Variants in CNTNAP2 observed in about 807,000 individuals in gnomAD.
CNTNAP2 encodes contactin associated protein 2.
Under a neutral mutation model 155.2 loss-of-function variants are expected in CNTNAP2, and 98 were observed. The observed-to-expected ratio is 0.63, with a 90% CI of 0.54 to 0.75. CNTNAP2 has a LOEUF of 0.75. Among genes scored for constraint, CNTNAP2 ranks in the 30% least tolerant of loss-of-function variants. CNTNAP2 has a pLI of 0.00. For missense variants in CNTNAP2, 1,727 were observed against 1,688.1 expected (o/e 1.02, Z -0.40); for synonymous variants, 651 against 631.2 (o/e 1.03, Z -0.47).
At chr7:146,767,684 G>C (rs1802221550) in intron 1 of CNTNAP2, among the ~76,000 whole-genome samples, 1 of 152,164 alleles carries the variant, frequency 6.6e-6, no homozygotes, top group African/African-American at 2.4e-5. Context: ...TTGAGTAGTA[G>C]TCAATGAGTT....
intron 22 of CNTNAP2, among the ~76,000 whole-genome samples, chr7:148,396,035 GCAC>G (rs1799460356): frequency 6.6e-6 from 1 of 152,074 alleles, no homozygotes; most frequent in African/African-American, 2.4e-5. Flanking sequence ...ACCTGGCATG[GCAC>G]TCAAAGGTGC....
intron 21 of CNTNAP2, among the ~76,000 whole-genome samples, chr7:148,333,028 T>G (rs1478630428): frequency 6.6e-6 from 1 of 152,120 alleles, no homozygotes; most frequent in Non-Finnish European, 1.5e-5. Flanking sequence ...TTTTCAGATT[T>G]CAGTGGACTC....
intron 11 of CNTNAP2, among the ~76,000 whole-genome samples, chr7:147,556,754 A>G (rs1190826979): frequency 3.3e-5 from 5 of 152,310 alleles, no homozygotes; most frequent in Admixed American, 2.6e-4. Flanking sequence ...CCCCATTTCA[A>G]ACTTCTAACC....
chr7:146,223,292 C>T (rs2693306), intron 1 of CNTNAP2, among the ~76,000 whole-genome samples: 103,947 of 152,086 alleles, frequency 0.68, 36,818 homozygotes, highest in East Asian at 0.94. Flanking sequence ...ATGCTAATAA[C>T]GTGATTAATA....
At chr7:146,539,839 A>G (rs1470639713) in intron 1 of CNTNAP2, among the ~76,000 whole-genome samples, 1 of 152,160 alleles carries the variant, frequency 6.6e-6, no homozygotes, top group Non-Finnish European at 1.5e-5. Context: ...ATGAAAGTCA[A>G]GAAATGTTTG....
intron 1 of CNTNAP2, among the ~76,000 whole-genome samples, chr7:146,195,927 C>T (rs1562985858): frequency 6.6e-6 from 1 of 152,166 alleles, no homozygotes; most frequent in Non-Finnish European, 1.5e-5. Context: ...TGACCACTTC[C>T]ATCATGATGG....
Position 148,356,238 on chromosome 7 carries a change from C to G in CNTNAP2, c.3476-27411C>G, listed in dbSNP as rs149206071. 1.3e-3 allele frequency among the ~76,000 whole-genome samples: 195 copies of G among 152,260 alleles called. 1 individual carries two copies. Among genetic ancestry groups the G allele is most frequent in the Middle Eastern group, 6.8e-3 (2 of 294 alleles). On this transcript the variant is annotated intron_variant, in intron 21 of 23. Transcript: ENST00000361727. ...GGTTTTAAAATATAAAAAAAAGACA[C>G]AGCATTGATTTCCTTCAATCTGCAC...
At chr7:147,120,855 A>T in intron 5 of CNTNAP2, 124 bp from the exon 6 acceptor site, 1 of 877,536 alleles carries the variant, frequency 1.1e-6, no homozygotes, top group Non-Finnish European at 1.9e-6. Flanking sequence ...ATCCCAGGTT[A>T]ACTCGAATGG....
At chr7:146,589,507 C>A (rs958409904) in intron 1 of CNTNAP2, among the ~76,000 whole-genome samples, 63 of 152,006 alleles carry the variant, frequency 4.1e-4, no homozygotes, top group African/African-American at 1.4e-3. Flanking sequence ...GAACAGAAAA[C>A]TAAACACTGC....
In CNTNAP2 at chr7:147,211,383, G is replaced by T. The variant is rs191449887; in HGVS notation, c.1348+78874G>T. Among the ~76,000 whole-genome samples, 462 of 151,956 alleles carry T rather than the reference G, an allele frequency of 3.0e-3. 2 individuals carry two copies. The highest frequency in any genetic ancestry group is 0.01 in the African/African-American group (429 of 41,478). ...ATTGAACTCTTTATCATTATGTAAT[G>T]CTCTTCTTTGCCATAGCTCAACATC... On this transcript the variant is annotated intron_variant, in intron 8 of 23. Coordinates refer to ENST00000361727, the MANE Select transcript of CNTNAP2 (RefSeq NM_014141.6).
rs763256005 is a variant in CNTNAP2 at position 146,510,193 on chromosome 7, A to G, written c.98-264078A>G. On this transcript the variant is annotated intron_variant, in intron 1 of 23. Transcript: ENST00000361727. The stretch of plus-strand genomic sequence containing the variant: ...CCTACAGAGTCAGCAGTGCAGTTAT[A>G]TTTCTCATAGACAACAGTAGTTCAA... 5.1e-4 allele frequency among the ~76,000 whole-genome samples: 78 copies of G among 152,146 alleles called. 2 individuals carry two copies. Among genetic ancestry groups the G allele is most frequent in the Admixed American group, 9.8e-4 (15 of 15,278 alleles).
intron 2 of CNTNAP2, among the ~76,000 whole-genome samples, chr7:146,810,902 T>C (rs1803054445): frequency 6.6e-6 from 1 of 152,188 alleles, no homozygotes; most frequent in Non-Finnish European, 1.5e-5. Context: ...TCATATGATT[T>C]TTAGCCTTCA....
intron 12 of CNTNAP2, among the ~76,000 whole-genome samples, chr7:147,600,468 C>T (rs1392384355): frequency 6.6e-6 from 1 of 152,130 alleles, no homozygotes; most frequent in East Asian, 1.9e-4. Context: ...TCCAATAAAA[C>T]TTTATGGACA....
chr7:147,979,295 G>GTCATTTGTTTAGTCAGGCTTAGTAAAAC (rs1801483510), intron 15 of CNTNAP2, among the ~76,000 whole-genome samples: 1 of 64,698 alleles, frequency 1.5e-5, no homozygotes, highest in Non-Finnish European at 3.3e-5. Flanking sequence ...TAGTAAAACT[G>GTCATTTGTTTAGTCAGGCTTAGTAAAAC]TGCAGAAGAA....
chr7:148,050,291 C>T (rs1802863982), intron 15 of CNTNAP2, among the ~76,000 whole-genome samples: 1 of 152,104 alleles, frequency 6.6e-6, no homozygotes, highest in South Asian at 2.1e-4. Flanking sequence ...CGCAGTAGGA[C>T]AAGGTGTGGA....
chr7:147,727,702 C>T (rs1394031193), intron 13 of CNTNAP2, among the ~76,000 whole-genome samples: 1 of 150,136 alleles, frequency 6.7e-6, no homozygotes, highest in East Asian at 2.0e-4. Context: ...CATCACTAAG[C>T]AGCATCATAG....
chr7:148,225,265 C>T (rs181643795), intron 19 of CNTNAP2, among the ~76,000 whole-genome samples: 1 of 152,010 alleles, frequency 6.6e-6, no homozygotes, highest in African/African-American at 2.4e-5. Flanking sequence ...AAAGGGAGGG[C>T]CTGGCCAAGG....
intron 11 of CNTNAP2, among the ~76,000 whole-genome samples, chr7:147,513,712 C>T (rs1799060928): frequency 6.6e-6 from 1 of 152,260 alleles, no homozygotes; most frequent in African/African-American, 2.4e-5. Context: ...GCCTGCCTTC[C>T]TCACTTTAGA....
intron 1 of CNTNAP2, among the ~76,000 whole-genome samples, chr7:146,756,914 A>G (rs1418952801): frequency 6.6e-6 from 1 of 152,088 alleles, no homozygotes; most frequent in Non-Finnish European, 1.5e-5. Flanking sequence ...TGCTTCCTAT[A>G]TACAGGTCAC....
Sources: gnomAD v4.1 joint callset for allele counts (sites outside exome capture counted in the v4.1 genomes callset) on GRCh38, gnomAD v4.1.1 for gene constraint, MANE v1.5 for transcripts, NCBI Gene and HGNC (gene_info 2026-07-23, HGNC 2026-07-21) for gene names.